The following AGMO variants were observed in gnomAD, a reference collection of about 807,000 sequenced individuals.
AGMO encodes the protein alkylglycerol monooxygenase.
AGMO carries 75 observed loss-of-function variants against 60.2 expected under a neutral mutation model. The observed-to-expected ratio is 1.25, with a 90% confidence interval of 1.03 to 1.51. The LOEUF is 1.51. Among genes scored for constraint, AGMO ranks in the 40% most tolerant of loss-of-function variants. AGMO has a pLI of 0.00. For missense variants in AGMO, 763 were observed against 525.5 expected (o/e 1.45, Z -4.42); for synonymous variants, 261 against 177.1 (o/e 1.47, Z -3.76).
chr7:15,342,240 AAAG>A, intron 12 of AGMO, among the ~76,000 whole-genome samples: 1 of 150,062 alleles, frequency 6.7e-6, no homozygotes, highest in Admixed American at 6.6e-5. Context: ...ATTGGGAAGA[AAAG>A]AAGTCTCTAG....
At chr7:15,317,918 TACACACACGTATATATATATATAC>T (rs1366707196) in intron 12 of AGMO, among the ~76,000 whole-genome samples, 9 of 141,094 alleles carry the variant, frequency 6.4e-5, no homozygotes, top group Middle Eastern at 3.6e-3. Context: ...TATATATATA[TACACACACGTATATATATATATAC>T]ACACACACAC....
chr7:15,176,138 A>G, the AGMO span, among the ~76,000 whole-genome samples: 4 of 152,004 alleles, frequency 2.6e-5, no homozygotes, highest in African/African-American at 7.2e-5. Context: ...ATGCTTCAAG[A>G]TTTATACTTA....
intron 12 of AGMO, among the ~76,000 whole-genome samples, chr7:15,325,076 G>A (rs1179272777): frequency 2.0e-5 from 3 of 152,092 alleles, no homozygotes; most frequent in African/African-American, 7.2e-5. Flanking sequence ...AGGAAGCCCT[G>A]TAATTGTTTC....
intron 12 of AGMO, among the ~76,000 whole-genome samples, chr7:15,343,332 A>C (rs1174591694): frequency 6.6e-6 from 1 of 152,172 alleles, no homozygotes; most frequent in East Asian, 1.9e-4. Context: ...TATCTTGCGG[A>C]AATAATTATA....
intron 5 of AGMO, chr7:15,396,255 GTTC>G (rs1583505867): frequency 6.6e-6 from 1 of 152,396 alleles, no homozygotes; most frequent in East Asian, 1.9e-4. Context: ...GAGTGCTACA[GTTC>G]TTAAGGGCAG....
rs745915410 is a variant in AGMO at position 15,365,521 on chromosome 7, G to A, written c.1256C>T (p.Ala419Val). 3 of 1,609,846 alleles carry A rather than the reference G, an allele frequency of 1.9e-6. No individual in the cohort carries two copies. Among genetic ancestry groups the A allele is most frequent in the Non-Finnish European group, 2.5e-6 (3 of 1,176,710 alleles). Residue 419 changes from alanine to valine, a missense_variant, in exon 12 of 13, where the codon GCT (alanine) becomes GTT (valine). Physicochemically the swap from Ala to Val is moderately conservative, Grantham distance 64 (BLOSUM62 0). Coordinates refer to ENST00000342526, the MANE Select transcript of AGMO (RefSeq NM_001004320.2). ...CCTAAACAAATGTCTTACCTCAAAAGCAGATGACAATGAAGGGACAAGAGG... is the reference window on the plus strand; with the variant it reads ...CCTAAACAAATGTCTTACCTCAAAAACAGATGACAATGAAGGGACAAGAGG... Reference protein sequence around the residue: ...LKPLVPSLSSAFEIVFSICIA... With the variant: ...LKPLVPSLSSVFEIVFSICIA...
At chr7:15,176,308 C>T in the AGMO span, among the ~76,000 whole-genome samples, 12 of 151,924 alleles carry the variant, frequency 7.9e-5, no homozygotes, top group East Asian at 2.3e-3. Flanking sequence ...TGGACTAAGA[C>T]AGAAGCCATG....
chr7:15,231,582 C>T (rs2128499594), intron 12 of AGMO, among the ~76,000 whole-genome samples: 1 of 152,284 alleles, frequency 6.6e-6, no homozygotes, highest in Non-Finnish European at 1.5e-5. Flanking sequence ...AGTGTTTATT[C>T]AATAGCTTTG....
At chr7:15,274,280 G>C (rs1384224186) in intron 12 of AGMO, among the ~76,000 whole-genome samples, 1 of 151,358 alleles carries the variant, frequency 6.6e-6, no homozygotes, top group Non-Finnish European at 1.5e-5. Context: ...AGCTCTTATT[G>C]AGATATGTCT....
intron 4 of AGMO, among the ~76,000 whole-genome samples, chr7:15,429,887 A>G (rs1454436888): frequency 6.6e-6 from 1 of 152,060 alleles, no homozygotes; most frequent in Middle Eastern, 3.2e-3. Context: ...CTAGAGAACC[A>G]TAGGCTTATT....
rs547084575 is a variant in AGMO at position 15,387,039 on chromosome 7, T to A, written c.957+367A>T. On this transcript the variant is annotated intron_variant, in intron 9 of 12. Coordinates refer to ENST00000342526, the MANE Select transcript of AGMO (RefSeq NM_001004320.2). Reference sequence around the variant, plus strand: ...TTCATGAGTGGAGTTAAGTTTAGACTGGCTCATTCCTAAGGCTCCCTCCGT... The same window carrying A: ...TTCATGAGTGGAGTTAAGTTTAGACAGGCTCATTCCTAAGGCTCCCTCCGT... Among the ~76,000 whole-genome samples the A allele has an allele frequency of 1.6e-4, 25 of 152,302 alleles. No homozygotes were observed. In the East Asian group the frequency reaches 4.8e-3, roughly 29 times the overall value.
At chr7:15,484,761 G>A (rs1255165105) in intron 3 of AGMO, among the ~76,000 whole-genome samples, 2 of 152,010 alleles carry the variant, frequency 1.3e-5, no homozygotes, top group African/African-American at 4.8e-5. Flanking sequence ...GATGGCAGGG[G>A]GTCAAAGCAT....
intron 12 of AGMO, among the ~76,000 whole-genome samples, chr7:15,272,237 G>A (rs1783636725): frequency 1.3e-5 from 2 of 150,668 alleles, no homozygotes; most frequent in Admixed American, 6.6e-5. Context: ...CCATTAACTC[G>A]CCATTTACAT....
chr7:15,344,843 ATC>A (rs1583432936), intron 12 of AGMO, among the ~76,000 whole-genome samples: 1 of 142,558 alleles, frequency 7.0e-6, no homozygotes, highest in East Asian at 1.9e-4. Flanking sequence ...TAAATAAAAC[ATC>A]TGTCAACATT....
chr7:15,392,128 G>C (rs1324022506), intron 6 of AGMO, among the ~76,000 whole-genome samples: 1 of 151,644 alleles, frequency 6.6e-6, no homozygotes, highest in Non-Finnish European at 1.5e-5. Context: ...GGAGTGCAGT[G>C]GCGCCATCTC....
chr7:15,371,452 G>C (rs185368910), intron 10 of AGMO, among the ~76,000 whole-genome samples: 1 of 151,266 alleles, frequency 6.6e-6, no homozygotes, highest in South Asian at 2.1e-4. Context: ...GTGCAATGGC[G>C]CCATCTCGGC....
chr7:15,493,369 T>C (rs1185712861), intron 3 of AGMO, among the ~76,000 whole-genome samples: 3 of 79,312 alleles, frequency 3.8e-5, no homozygotes, highest in Non-Finnish European at 2.5e-5. Flanking sequence ...ACACTTCTTT[T>C]TTTTTTTTTT....
At chr7:15,342,356 CAA>C (rs1781882845) in intron 12 of AGMO, among the ~76,000 whole-genome samples, 1 of 151,662 alleles carries the variant, frequency 6.6e-6, no homozygotes, top group Non-Finnish European at 1.5e-5. Context: ...ATTGCTGCTC[CAA>C]AATTAAATTG....
At chr7:15,469,837 G>A (rs1425280037) in intron 3 of AGMO, among the ~76,000 whole-genome samples, 1 of 152,182 alleles carries the variant, frequency 6.6e-6, no homozygotes, top group African/African-American at 2.4e-5. Flanking sequence ...GCCACAGTTG[G>A]AAATATGATT....
Sources: gnomAD v4.1 joint callset for allele counts (sites outside exome capture counted in the v4.1 genomes callset) on GRCh38, gnomAD v4.1.1 for gene constraint, MANE v1.5 for transcripts, NCBI Gene and HGNC (gene_info 2026-07-23, HGNC 2026-07-21) for gene names.